The following TMCC1 variants were observed in gnomAD, a reference collection of about 807,000 sequenced individuals.
TMCC1 encodes transmembrane and coiled-coil domain family 1.
A neutral mutation model predicts 52.4 loss-of-function variants in TMCC1; 15 were observed. The observed-to-expected ratio is 0.29, with a 90% CI of 0.19 to 0.44. The LOEUF is 0.44. Among genes scored for constraint, TMCC1 ranks in the 20% least tolerant of loss-of-function variants. The pLI is 1.00. For missense variants in TMCC1, 503 were observed against 806.0 expected, an observed-to-expected ratio of 0.62 and a Z score of 4.55; for synonymous variants, 279 against 301.9, an observed-to-expected ratio of 0.92 and a Z score of 0.79.
At chr3:129,839,994 C>G (rs568101252) in intron 2 of TMCC1, among the ~76,000 whole-genome samples, 2 of 149,590 alleles carry the variant, frequency 1.3e-5, no homozygotes, top group Non-Finnish European at 3.0e-5. Context: ...AATAGTCTTA[C>G]CAGTTAAAAA....
chr3:129,715,838 T>G (rs1403850275), intron 4 of TMCC1, among the ~76,000 whole-genome samples: 2 of 152,108 alleles, frequency 1.3e-5, no homozygotes. Flanking sequence ...GTTTCATTCT[T>G]ATTATATTAA....
At chr3:129,817,281 T>C (rs1413402657) in intron 4 of TMCC1, among the ~76,000 whole-genome samples, 1 of 152,102 alleles carries the variant, frequency 6.6e-6, no homozygotes, top group African/African-American at 2.4e-5. Context: ...TAAAAATCTT[T>C]GTTTTTCACC....
At chr3:129,838,565 C>CAACA (rs1394957197) in intron 2 of TMCC1, among the ~76,000 whole-genome samples, 1 of 151,670 alleles carries the variant, frequency 6.6e-6, no homozygotes, top group African/African-American at 2.4e-5. Flanking sequence ...CCAGCCTGAC[C>CAACA]AACAGGGTGA....
chr3:129,834,849 C>T (rs145602615), intron 2 of TMCC1, among the ~76,000 whole-genome samples: 11 of 152,164 alleles, frequency 7.2e-5, no homozygotes, highest in Admixed American at 4.6e-4. Context: ...AAACGTATTA[C>T]GAGTACAATC....
intron 2 of TMCC1, among the ~76,000 whole-genome samples, chr3:129,866,382 T>A (rs1428554684): frequency 5.5e-4 from 71 of 128,196 alleles, no homozygotes; most frequent in African/African-American, 2.1e-3. Flanking sequence ...ATATATGTTT[T>A]TTTTTTTTTT....
chr3:129,783,530 G>A (rs2055718033), intron 4 of TMCC1, among the ~76,000 whole-genome samples: 1 of 151,582 alleles, frequency 6.6e-6, no homozygotes, highest in Non-Finnish European at 1.5e-5. Flanking sequence ...AAAGTAGGGA[G>A]ATCTATTTTC....
Position 129,685,136 on chromosome 3 carries a change from T to C in TMCC1, c.577-13872A>G, listed in dbSNP as rs146008903. Among the ~76,000 whole-genome samples, 1,147 of 152,254 alleles carry C rather than the reference T, an allele frequency of 7.5e-3. 6 individuals are homozygous for C. Among genetic ancestry groups the C allele is most frequent in the Non-Finnish European group, 0.011 (751 of 68,026 alleles). On this transcript the variant is annotated intron_variant, in intron 4 of 6. Transcript: ENST00000393238. ...GCTCACACCTGTAATCCCAGCACTT[T>C]GGAAGGCAGACACAGGAGGATTAGC...
chr3:129,879,861 T>C (rs13097541), intron 2 of TMCC1, among the ~76,000 whole-genome samples: 1,605 of 152,282 alleles, frequency 0.011, 16 homozygotes, highest in Admixed American at 0.018. Context: ...CAAGTCACAA[T>C]TTCAATTTGA....
intron 4 of TMCC1, among the ~76,000 whole-genome samples, chr3:129,684,172 A>G (rs1470723683): frequency 6.6e-6 from 1 of 152,228 alleles, no homozygotes; most frequent in Non-Finnish European, 1.5e-5. Context: ...CAGGTTTTTA[A>G]ATAGAGGTAT....
intron 4 of TMCC1, among the ~76,000 whole-genome samples, chr3:129,726,601 G>A (rs1007144774): frequency 2.6e-5 from 4 of 151,768 alleles, no homozygotes; most frequent in Admixed American, 6.6e-5. Context: ...TGTGAAGGCC[G>A]GGCATGATGG....
chr3:129,846,939 G>C (rs144443610), intron 2 of TMCC1: 1 of 149,590 alleles, frequency 6.7e-6, no homozygotes, highest in Non-Finnish European at 1.5e-5. Flanking sequence ...CCTGCAGTGA[G>C]CTATGATCAC....
At chr3:129,788,599 A>T (rs2056215987) in intron 4 of TMCC1, among the ~76,000 whole-genome samples, 1 of 151,188 alleles carries the variant, frequency 6.6e-6, no homozygotes, top group African/African-American at 2.4e-5. Context: ...AGTAGCTGGG[A>T]CTACAGGCGC....
intron 4 of TMCC1, among the ~76,000 whole-genome samples, chr3:129,701,313 T>TA (rs1381402407): frequency 6.6e-6 from 1 of 152,248 alleles, no homozygotes; most frequent in East Asian, 1.9e-4. Flanking sequence ...GGCTGTGCAT[T>TA]ACTCAAGAAG....
At chr3:129,756,027 G>A (rs2052971376) in intron 4 of TMCC1, among the ~76,000 whole-genome samples, 1 of 151,614 alleles carries the variant, frequency 6.6e-6, no homozygotes, top group South Asian at 2.1e-4. Context: ...GAACATGGGA[G>A]GCAGAGGTTG....
intron 4 of TMCC1, among the ~76,000 whole-genome samples, chr3:129,799,251 G>C (rs1368110866): frequency 6.6e-6 from 1 of 152,190 alleles, no homozygotes; most frequent in East Asian, 1.9e-4. Flanking sequence ...AATGTTTTGG[G>C]CTCCACATTT....
intron 4 of TMCC1, among the ~76,000 whole-genome samples, chr3:129,678,345 T>C (rs2088645468): frequency 1.3e-5 from 2 of 148,198 alleles, no homozygotes; most frequent in Admixed American, 1.4e-4. Context: ...CCTTGGCATG[T>C]ACATTGTTTA....
intron 5 of TMCC1, among the ~76,000 whole-genome samples, chr3:129,669,260 C>T (rs1362759869): frequency 6.6e-6 from 1 of 152,068 alleles, no homozygotes; most frequent in Admixed American, 6.5e-5. Context: ...TGTTCAACTC[C>T]TGATGTTACA....
intron 4 of TMCC1, among the ~76,000 whole-genome samples, chr3:129,767,915 G>A (rs1321466619): frequency 6.6e-6 from 1 of 152,168 alleles, no homozygotes; most frequent in African/African-American, 2.4e-5. Context: ...TTCAGGCCAG[G>A]CCCAGAGGCT....
At chr3:129,765,137 C>CA (rs11434430) in intron 4 of TMCC1, among the ~76,000 whole-genome samples, 67,453 of 147,764 alleles carry the variant, frequency 0.46, 17,531 homozygotes, top group Non-Finnish European at 0.57. Flanking sequence ...TTCAAATACT[C>CA]AAAAAAAAAC....
Sources: allele counts gnomAD v4.1 joint callset (sites outside exome capture counted in the v4.1 genomes callset), GRCh38; gene constraint gnomAD v4.1.1; transcripts MANE v1.5; gene names NCBI Gene and HGNC (gene_info 2026-07-23, HGNC 2026-07-21).